PNPLA7: variants seen among roughly 807,000 people sequenced by gnomAD.
PNPLA7 encodes patatin-like phospholipase domain-containing protein 7.
Under a neutral mutation model 161.7 loss-of-function variants are expected in PNPLA7, and 153 were observed. That is an observed-to-expected ratio of 0.95 (90% CI 0.83 to 1.08). PNPLA7 has a LOEUF of 1.08. Ranked by LOEUF, PNPLA7 falls within the 50% of genes least tolerant of loss-of-function variation. PNPLA7 has a pLI of 0.00. For synonymous variants in PNPLA7, 809 were observed against 782.1 expected, an observed-to-expected ratio of 1.03 and a Z score of -0.57; for missense variants, 1,739 against 1,856.6, an observed-to-expected ratio of 0.94 and a Z score of 1.16.
At chr9:137,505,187 C>CAAAAAAAAA (rs1030910942) in intron 14 of PNPLA7, among the ~76,000 whole-genome samples, 3 of 57,044 alleles carry the variant, frequency 5.3e-5, no homozygotes, top group Admixed American at 2.7e-4. Context: ...GACTCTGTCT[C>CAAAAAAAAA]AAAAAAAAAA....
intron 21 of PNPLA7, among the ~76,000 whole-genome samples, chr9:137,481,802 G>A (rs1588565954): frequency 6.6e-6 from 1 of 152,362 alleles, no homozygotes; most frequent in East Asian, 1.9e-4. Flanking sequence ...TGGGTGTGGT[G>A]GCGGGCGCCT....
At chr9:137,479,423 T>C in intron 23 of PNPLA7, 185 bp from the exon 24 acceptor site, 1 of 1,301,468 alleles carries the variant, frequency 7.7e-7, no homozygotes, top group African/African-American at 1.5e-5. Flanking sequence ...CAGGGGTCCA[T>C]CCGTCCACTG....
At chr9:137,488,251 C>T (rs1245282084) in intron 20 of PNPLA7, among the ~76,000 whole-genome samples, 1 of 152,056 alleles carries the variant, frequency 6.6e-6, no homozygotes, top group African/African-American at 2.4e-5. Context: ...TCGGCCCGAA[C>T]GTGGCTCTCT....
chr9:137,510,028 A>G (rs1834133508), intron 12 of PNPLA7, among the ~76,000 whole-genome samples: 1 of 152,194 alleles, frequency 6.6e-6, no homozygotes, highest in Non-Finnish European at 1.5e-5. Flanking sequence ...ACCAGAAGAC[A>G]AGAGTGCGAG....
intron 8 of PNPLA7, among the ~76,000 whole-genome samples, chr9:137,528,731 C>T (rs1214144443): frequency 2.0e-5 from 3 of 146,560 alleles, no homozygotes; most frequent in African/African-American, 5.1e-5. Flanking sequence ...GATGGAGTCT[C>T]GCTCTCTTGC....
chr9:137,506,006 G>A lies in PNPLA7; in HGVS notation c.1303C>T (p.Pro435Ser), dbSNP rs370942586. 5.5e-5 allele frequency: 88 copies of A among 1,612,218 alleles called. No homozygotes were observed. Among genetic ancestry groups the A allele is most frequent in the Non-Finnish European group, 7.2e-5 (85 of 1,179,602 alleles). The change falls in exon 13 of 35, where the codon CCC becomes TCC. Residue 435 changes from proline to serine, a missense_variant. Pro to Ser is a moderately conservative substitution (Grantham distance 74). This residue lies in a region of PNPLA7 where 481 missense variants were observed against 450.0 expected (regional missense o/e 1.07). Coordinates refer to ENST00000406427, the MANE Select transcript of PNPLA7 (RefSeq NM_001098537.3). The stretch of plus-strand genomic sequence containing the variant: ...ACCTTGCTGGCCACGGAGCTCCCGG[G>A]GTGCTCGTCCGAGTGCAGGAAGACC... ...ARVFLHSDEHPGSSVASKSRK... is the reference protein window; with the variant it reads ...ARVFLHSDEHSGSSVASKSRK...
rs904369744 is a variant in PNPLA7, at chr9:137,460,254, C to T, written c.*139G>A. 5 of 765,436 alleles carry T rather than the reference C, an allele frequency of 6.5e-6. No individual in the cohort carries two copies. Among genetic ancestry groups the T allele is most frequent in the Non-Finnish European group, 1.0e-5 (5 of 477,820 alleles). 47.4% of individuals were successfully genotyped at this position (765,436 alleles called of 1,614,324 possible). On this transcript the variant is annotated 3_prime_UTR_variant, in exon 35 of 35. Coordinates refer to ENST00000406427, the MANE Select transcript of PNPLA7 (RefSeq NM_001098537.3). ...TGGTACAAAGAAGAGGCCCAGAGAACCCTAACACAGCCTGGGGCCCCGGGG... is the reference window on the plus strand; with the variant it reads ...TGGTACAAAGAAGAGGCCCAGAGAATCCTAACACAGCCTGGGGCCCCGGGG...
chr9:137,462,281 C>T lies in PNPLA7; in HGVS notation c.3543G>A (p.Val1181=), dbSNP rs1182659629. The T allele has an allele frequency of 1.2e-6, 2 of 1,611,908 alleles. No individual in the cohort carries two copies. Among genetic ancestry groups the T allele is most frequent in the Admixed American group, 1.7e-5 (1 of 59,900 alleles). The change falls in exon 31 of 35, where the codon GTG becomes GTA. Residue 1181 remains valine, a synonymous_variant. Transcript: ENST00000406427. Reference sequence around the variant, plus strand: ...TGCTCTTCACCACCTCCAGCTGCCGCACGCAACACACGTAGGCCAGGCGCG... The same window carrying T: ...TGCTCTTCACCACCTCCAGCTGCCGTACGCAACACACGTAGGCCAGGCGCG... ...IQTRLAYVCC[V]RQLEVVKSSD... is the part of the protein sequence containing the mutation.
At chr9:137,528,034 G>A (rs912502153) in intron 8 of PNPLA7, among the ~76,000 whole-genome samples, 2 of 152,240 alleles carry the variant, frequency 1.3e-5, no homozygotes, top group African/African-American at 4.8e-5. Flanking sequence ...TGGGCATAAA[G>A]CTGTTCAAAA....
intron 14 of PNPLA7, among the ~76,000 whole-genome samples, chr9:137,502,711 GC>G (rs1177291730): frequency 3.9e-5 from 4 of 103,032 alleles, no homozygotes; most frequent in Non-Finnish European, 6.4e-5. Flanking sequence ...CGCGGGGGAC[GC>G]GGGGGACGCG....
intron 11 of PNPLA7, among the ~76,000 whole-genome samples, 166 bp downstream of exon 11, chr9:137,519,751 G>A (rs980387867): frequency 2.6e-5 from 4 of 151,990 alleles, no homozygotes; most frequent in African/African-American, 4.8e-5. Context: ...GGCATGTGAG[G>A]TGACTTGTGG....
In PNPLA7 at chr9:137,460,165, C is replaced by T. The variant is rs967295040; in HGVS notation, c.*228G>A. ...GGGGTTCACAGAGCTTCAGGGGCCT[C>T]ACAGAGCTTCAGGGGCCTCACAGGA... is the stretch of plus-strand genomic sequence containing the variant. On this transcript the variant is annotated 3_prime_UTR_variant, in exon 35 of 35. Transcript: ENST00000406427. 38 of 473,710 alleles carry T rather than the reference C, an allele frequency of 8.0e-5. No individual in the cohort carries two copies. The highest frequency in any genetic ancestry group is 1.2e-4 in the Non-Finnish European group (32 of 260,020). The allele number at this position is 473,710 out of a possible 1,614,324, so 29.3% of individuals were successfully genotyped here.
At chr9:137,549,295 C>T (rs149226752) in intron 1 of PNPLA7, among the ~76,000 whole-genome samples, 5,104 of 152,022 alleles carry the variant, frequency 0.034, 129 homozygotes, top group South Asian at 0.076. Context: ...AGGCCGGGCA[C>T]GGTGGCTCAT....
chr9:137,517,476 C>T (rs1157647554), intron 11 of PNPLA7, among the ~76,000 whole-genome samples: 1 of 45,638 alleles, frequency 2.2e-5, no homozygotes, highest in African/African-American at 1.1e-4. Context: ...ACTCCATCCC[C>T]CGTCACTCAC....
intron 20 of PNPLA7, among the ~76,000 whole-genome samples, chr9:137,488,394 C>T (rs1832600906): frequency 6.6e-6 from 1 of 152,224 alleles, no homozygotes; most frequent in African/African-American, 2.4e-5. Context: ...TCCATATGGC[C>T]TTAGCCTTGG....
In PNPLA7 at chr9:137,467,455, G is replaced by A. The variant is rs755001208; in HGVS notation, c.2901C>T (p.Gly967=). The stretch of plus-strand genomic sequence containing the variant: ...CGCACTCCGCCAAGGCCTTGAGAAC[G>A]CCCACCTGGGCACAGCCTCTACACC... ...GGGARGCAQV[G]VLKALAECGI... The change falls in exon 26 of 35, where the codon GGC becomes GGT. Residue 967 remains glycine (G), a synonymous_variant. Coordinates refer to ENST00000406427, the MANE Select transcript of PNPLA7 (RefSeq NM_001098537.3). The surrounding 1 kb of genome is among the most constrained non-coding windows in gnomAD (Gnocchi z 5.1). The A allele has an allele frequency of 8.7e-6, 14 of 1,612,864 alleles. No homozygotes were observed. The highest frequency in any genetic ancestry group is 2.2e-5 in the East Asian group (1 of 44,878).
At chr9:137,549,067 CA>C (rs1836701116) in intron 1 of PNPLA7, among the ~76,000 whole-genome samples, 1 of 152,274 alleles carries the variant, frequency 6.6e-6, no homozygotes, top group Admixed American at 6.5e-5. Context: ...GACCTGGTCA[CA>C]GGCTCTCCTG....
At chr9:137,534,812 G>A (rs917658206) in intron 8 of PNPLA7, among the ~76,000 whole-genome samples, 1 of 151,846 alleles carries the variant, frequency 6.6e-6, no homozygotes, top group African/African-American at 2.4e-5. Flanking sequence ...ACGCCTCCCC[G>A]GGTCGATACC....
At chr9:137,502,373 A>C in intron 14 of PNPLA7, among the ~76,000 whole-genome samples, 1 of 151,958 alleles carries the variant, frequency 6.6e-6, no homozygotes, top group East Asian at 2.0e-4. Context: ...AATGATCGAA[A>C]AACAAACCAT....
Sources: gnomAD v4.1 joint callset for allele counts (sites outside exome capture counted in the v4.1 genomes callset) on GRCh38, gnomAD v4.1.1 for gene constraint, gnomAD v4.1.1 regional missense constraint, Gnocchi (gnomAD v3.1) non-coding constraint, MANE v1.5 for transcripts, NCBI Gene and HGNC (gene_info 2026-07-23, HGNC 2026-07-21) for gene names.